Variants in ARHGEF10 observed in about 807,000 individuals in gnomAD.
The protein encoded by ARHGEF10 is Rho guanine nucleotide exchange factor 10, also known as Rho guanine nucleotide exchange factor (GEF) 10.
A neutral mutation model predicts 147.4 loss-of-function variants in ARHGEF10; 140 were observed. The ratio of observed to expected loss-of-function variants is 0.95; its 90% CI spans 0.83 to 1.09. The LOEUF (loss-of-function observed/expected upper bound fraction) is 1.09, where lower values mean the gene tolerates loss of function less well. ARHGEF10 is among the 50% of genes least tolerant of loss of function. The pLI is 0.00. For synonymous variants in ARHGEF10, 902 were observed against 695.8 expected, an observed-to-expected ratio of 1.30 and a Z score of -4.67; for missense variants, 2,222 against 1,752.7, an observed-to-expected ratio of 1.27 and a Z score of -4.78.
rs139815741 is a variant in ARHGEF10, at chr8:1,899,183, T to C, written c.1650+658T>C. On this transcript the variant is annotated intron_variant, in intron 15 of 28. Transcript: ENST00000349830. ...GGCCTCTAGGTCACGTCTGATGCAG[T>C]GTGTGGTTGCCCGCTCGTTTTCCGA... 4.0e-3 allele frequency among the ~76,000 whole-genome samples: 606 copies of C among 152,310 alleles called. 4 individuals are homozygous for C. Among genetic ancestry groups the C allele is most frequent in the African/African-American group, 0.014 (577 of 41,566 alleles).
chr8:1,849,704 G>C (rs1804875058), intron 2 of ARHGEF10, among the ~76,000 whole-genome samples: 1 of 144,248 alleles, frequency 6.9e-6, no homozygotes, highest in African/African-American at 2.5e-5. Context: ...ATGCTGAGGA[G>C]GGCATGGGGT....
intron 26 of ARHGEF10, among the ~76,000 whole-genome samples, chr8:1,936,310 T>G (rs1241221400): frequency 1.3e-5 from 2 of 151,846 alleles, no homozygotes; most frequent in Non-Finnish European, 2.9e-5. Context: ...AGCTCAAGAG[T>G]TCAAGACCAG....
intron 26 of ARHGEF10, among the ~76,000 whole-genome samples, chr8:1,942,093 A>T (rs1814142264): frequency 6.6e-6 from 1 of 152,074 alleles, no homozygotes; most frequent in African/African-American, 2.4e-5. Flanking sequence ...AAGCACAAGC[A>T]ACCAATGTGG....
chr8:1,935,271 C>T (rs1052384148), intron 26 of ARHGEF10, among the ~76,000 whole-genome samples: 2 of 152,106 alleles, frequency 1.3e-5, no homozygotes, highest in African/African-American at 4.8e-5. Flanking sequence ...AGTCAGTGAG[C>T]CTGCATGGGC....
intron 27 of ARHGEF10, among the ~76,000 whole-genome samples, chr8:1,950,065 A>G (rs1459376564): frequency 1.3e-5 from 2 of 152,154 alleles, no homozygotes; most frequent in African/African-American, 2.4e-5. Flanking sequence ...CGGAGTCACC[A>G]TCCAGCAGCC....
At chr8:1,926,693 A>G (rs1352973182) in intron 23 of ARHGEF10, 1 of 588,756 alleles carries the variant, frequency 1.7e-6, no homozygotes, top group Non-Finnish European at 3.0e-6. Flanking sequence ...CATCTAAAAC[A>G]TTTACCAGAT....
At chr8:1,952,888 A>AGT in intron 28 of ARHGEF10, 61 bp downstream of exon 28, 1 of 1,608,290 alleles carries the variant, frequency 6.2e-7, no homozygotes, top group Non-Finnish European at 8.5e-7. Context: ...GGAGCATAGC[A>AGT]GTGTGTAGTG....
At chr8:1,910,017 T>A (rs1811242171) in intron 18 of ARHGEF10, among the ~76,000 whole-genome samples, 1 of 152,354 alleles carries the variant, frequency 6.6e-6, no homozygotes, top group South Asian at 2.1e-4. Flanking sequence ...ACATGATTTA[T>A]GATTATTATT....
intron 1 of ARHGEF10, among the ~76,000 whole-genome samples, chr8:1,838,833 C>T (rs1803748517): frequency 6.6e-6 from 1 of 152,138 alleles, no homozygotes; most frequent in Admixed American, 6.5e-5. Context: ...AGTGTGGTTG[C>T]TGTCTGGCAT....
chr8:1,875,572 G>A (rs1421246924), intron 7 of ARHGEF10, among the ~76,000 whole-genome samples: 1 of 152,242 alleles, frequency 6.6e-6, no homozygotes, highest in East Asian at 1.9e-4. Context: ...TGCAGCTTCT[G>A]CAAAGTGAGC....
intron 22 of ARHGEF10, 33 bp downstream of exon 22, chr8:1,925,437 G>C: frequency 1.9e-6 from 3 of 1,612,492 alleles, no homozygotes; most frequent in Non-Finnish European, 2.5e-6. Flanking sequence ...GCCCGGGGTG[G>C]GACGCACCTC....
chr8:1,834,431 G>T (rs1803459688), intron 1 of ARHGEF10, among the ~76,000 whole-genome samples: 2 of 152,094 alleles, frequency 1.3e-5, no homozygotes, highest in African/African-American at 4.8e-5. Context: ...GCCCAGGGAG[G>T]ACCCTGGAGA....
At chr8:1,933,293 C>T (rs930069185) in intron 25 of ARHGEF10, among the ~76,000 whole-genome samples, 1 of 152,182 alleles carries the variant, frequency 6.6e-6, no homozygotes, top group Non-Finnish European at 1.5e-5. Context: ...GGAAATGTAA[C>T]ATCTGCCCAG....
intron 18 of ARHGEF10, among the ~76,000 whole-genome samples, chr8:1,914,209 C>T (rs1781858768): frequency 6.6e-6 from 1 of 152,236 alleles, no homozygotes; most frequent in Non-Finnish European, 1.5e-5. Flanking sequence ...TAGAAGGCAG[C>T]AGGAGAAGCG....
intron 17 of ARHGEF10, among the ~76,000 whole-genome samples, chr8:1,908,979 G>A (rs1368470546): frequency 1.3e-5 from 2 of 152,110 alleles, no homozygotes; most frequent in African/African-American, 2.4e-5. Context: ...CCTGGTAATC[G>A]AGCACCTTTG....
intron 7 of ARHGEF10, 191 bp downstream of exon 7, chr8:1,869,441 C>T (rs1186868882): frequency 4.3e-6 from 3 of 699,514 alleles, no homozygotes; most frequent in African/African-American, 3.5e-5. Context: ...TGCTTATAAC[C>T]CTTGAAATAG....
intron 18 of ARHGEF10, among the ~76,000 whole-genome samples, chr8:1,911,682 C>A (rs1811368370): frequency 6.6e-6 from 1 of 152,150 alleles, no homozygotes; most frequent in African/African-American, 2.4e-5. Flanking sequence ...TAGCATTGAT[C>A]TTGAGTGGGT....
At chr8:1,891,195 C>T (rs1004530952) in intron 11 of ARHGEF10, among the ~76,000 whole-genome samples, 2 of 152,154 alleles carry the variant, frequency 1.3e-5, no homozygotes, top group African/African-American at 4.8e-5. Context: ...TTTAGGATTT[C>T]TGCATTCTTT....
chr8:1,832,506 G>GCAGAGGCAGAGACCCAGGCAGAGA (rs1803200290), intron 1 of ARHGEF10, among the ~76,000 whole-genome samples: 2 of 116,248 alleles, frequency 1.7e-5, no homozygotes, highest in African/African-American at 7.0e-5. Flanking sequence ...AGAGACACAG[G>GCAGAGGCAGAGACCCAGGCAGAGA]CAGAGACAGA....
Sources: allele counts gnomAD v4.1 joint callset (sites outside exome capture counted in the v4.1 genomes callset), GRCh38; gene constraint gnomAD v4.1.1; transcripts MANE v1.5; gene names NCBI Gene and HGNC (gene_info 2026-07-23, HGNC 2026-07-21).